PDE7B: variants seen among roughly 807,000 people sequenced by gnomAD.
The protein encoded by PDE7B is phosphodiesterase 7B, also known as 3',5'-cyclic-AMP phosphodiesterase 7B.
Under a neutral mutation model 56.2 loss-of-function variants are expected in PDE7B, and 29 were observed. The observed-to-expected ratio is 0.52, with a 90% CI of 0.38 to 0.70. The LOEUF (loss-of-function observed/expected upper bound fraction) is 0.70, where lower values mean the gene tolerates loss of function less well. PDE7B is among the 30% of genes least tolerant of loss of function. The probability of loss-of-function intolerance (pLI) is 0.00; values close to 1 mark genes in which losing one functional copy is unlikely to be tolerated. For synonymous variants in PDE7B, 197 were observed against 196.9 expected, an observed-to-expected ratio of 1.00 and a Z score of 0.00; for missense variants, 490 against 565.0, an observed-to-expected ratio of 0.87 and a Z score of 1.35.
At chr6:136,081,118 A>G (rs1240052717) in intron 2 of PDE7B, among the ~76,000 whole-genome samples, 1 of 152,194 alleles carries the variant, frequency 6.6e-6, no homozygotes, top group African/African-American at 2.4e-5. Context: ...CCTTTATTTC[A>G]CCCTGAAGGT....
chr6:135,884,445 G>A (rs989313376), intron 1 of PDE7B, among the ~76,000 whole-genome samples: 3 of 151,954 alleles, frequency 2.0e-5, no homozygotes, highest in Non-Finnish European at 2.9e-5. Flanking sequence ...CAGTCTTTCC[G>A]GCAGAATTTT....
At chr6:136,119,021 T>TG (rs1277900796) in intron 3 of PDE7B, among the ~76,000 whole-genome samples, 1 of 152,146 alleles carries the variant, frequency 6.6e-6, no homozygotes, top group Admixed American at 6.6e-5. Flanking sequence ...AAGGGCGTGG[T>TG]GGTGACAACT....
At chr6:135,881,837 AC>A (rs771560442) in intron 1 of PDE7B, among the ~76,000 whole-genome samples, 2 of 152,232 alleles carry the variant, frequency 1.3e-5, no homozygotes, top group Admixed American at 6.5e-5. Context: ...GCATTGTATA[AC>A]TGAAATAACT....
rs144884716 is a variant in PDE7B at position 136,149,590 on chromosome 6, G to T, written c.382+440G>T. On this transcript the variant is annotated intron_variant, in intron 5 of 12. Coordinates refer to ENST00000308191, the MANE Select transcript of PDE7B (RefSeq NM_018945.4). The stretch of plus-strand genomic sequence containing the variant: ...TTGCGGGTATTGCTCAAATGTGTTT[G>T]ACATCATCAGAAGAAAACAATTGCC... 4.4e-3 allele frequency among the ~76,000 whole-genome samples: 673 copies of T among 152,280 alleles called. 3 individuals carry two copies. Among genetic ancestry groups the T allele is most frequent in the Non-Finnish European group, 7.5e-3 (507 of 68,032 alleles).
intron 1 of PDE7B, among the ~76,000 whole-genome samples, chr6:135,912,070 A>G (rs189392896): frequency 1.1e-3 from 171 of 152,336 alleles, no homozygotes; most frequent in Admixed American, 3.3e-3. Flanking sequence ...AAAAGTGCTT[A>G]TATTTGTCCA....
At chr6:135,935,092 T>C (rs1412636842) in intron 1 of PDE7B, among the ~76,000 whole-genome samples, 8 of 86,890 alleles carry the variant, frequency 9.2e-5, no homozygotes, top group African/African-American at 4.1e-4. Flanking sequence ...AAATATATAA[T>C]ATATATTTCT....
chr6:136,191,037 TACTTATATGTC>T (rs1779215532), intron 12 of PDE7B, among the ~76,000 whole-genome samples: 1 of 143,168 alleles, frequency 7.0e-6, no homozygotes. Flanking sequence ...TTTTTTTTTT[TACTTATATGTC>T]TTTCTCCCTC....
chr6:135,885,030 A>G (rs1325360961), intron 1 of PDE7B, among the ~76,000 whole-genome samples: 4 of 152,136 alleles, frequency 2.6e-5, no homozygotes, highest in Non-Finnish European at 4.4e-5. Context: ...CCATGCCGTC[A>G]CTTAACTTGT....
At chr6:135,894,733 A>G (rs1193109994) in intron 1 of PDE7B, among the ~76,000 whole-genome samples, 1 of 152,174 alleles carries the variant, frequency 6.6e-6, no homozygotes, top group Admixed American at 6.6e-5. Flanking sequence ...AATGTACAGT[A>G]CATCTTGAAC....
intron 2 of PDE7B, among the ~76,000 whole-genome samples, chr6:136,068,029 C>T (rs948379130): frequency 6.6e-6 from 1 of 152,132 alleles, no homozygotes; most frequent in African/African-American, 2.4e-5. Context: ...GTTTTAATCC[C>T]CCAAACAGTT....
At chr6:135,870,846 G>A (rs1454813917) in intron 1 of PDE7B, among the ~76,000 whole-genome samples, 1 of 152,070 alleles carries the variant, frequency 6.6e-6, no homozygotes, top group Non-Finnish European at 1.5e-5. Context: ...AAGAGGAAGA[G>A]GGTGGAGAAT....
chr6:135,963,942 G>A (rs368657693), intron 2 of PDE7B, among the ~76,000 whole-genome samples: 4 of 152,148 alleles, frequency 2.6e-5, no homozygotes, highest in Middle Eastern at 3.2e-3. Flanking sequence ...GGCCCTGAAA[G>A]GTTGTTCAGG....
At chr6:136,122,116 C>T (rs996376463) in intron 3 of PDE7B, among the ~76,000 whole-genome samples, 27 of 152,112 alleles carry the variant, frequency 1.8e-4, no homozygotes, top group Non-Finnish European at 2.9e-5. Flanking sequence ...CTGCCTCAGC[C>T]TCCTGAGTAG....
chr6:135,984,895 C>CTGCCCAGCT (rs1775351177), intron 2 of PDE7B, among the ~76,000 whole-genome samples: 1 of 152,000 alleles, frequency 6.6e-6, no homozygotes, highest in South Asian at 2.1e-4. Context: ...CTGATCCCAC[C>CTGCCCAGCT]TGCCCAGCTC....
intron 2 of PDE7B, among the ~76,000 whole-genome samples, chr6:136,068,087 A>G (rs568045749): frequency 1.3e-5 from 2 of 152,316 alleles, no homozygotes; most frequent in South Asian, 4.1e-4. Flanking sequence ...TCTGTAAAAT[A>G]TTTGAAGAGA....
At chr6:135,895,092 A>T (rs894235825) in intron 1 of PDE7B, among the ~76,000 whole-genome samples, 2 of 152,094 alleles carry the variant, frequency 1.3e-5, no homozygotes, top group African/African-American at 4.8e-5. Context: ...AAGGCAGGCA[A>T]ATCCTGTTTG....
intron 2 of PDE7B, among the ~76,000 whole-genome samples, chr6:135,992,636 G>T (rs540932833): frequency 2.6e-5 from 4 of 152,148 alleles, no homozygotes; most frequent in African/African-American, 9.6e-5. Flanking sequence ...ATTGTTCCCT[G>T]TAGCTAGAGT....
intron 2 of PDE7B, chr6:136,049,240 C>G (rs990320683): frequency 6.6e-6 from 1 of 152,338 alleles, no homozygotes; most frequent in Non-Finnish European, 1.5e-5. Flanking sequence ...GTAGCTGGGA[C>G]TATGGATGCA....
At chr6:136,087,337 A>C (rs1328469521) in intron 2 of PDE7B, among the ~76,000 whole-genome samples, 1 of 152,200 alleles carries the variant, frequency 6.6e-6, no homozygotes, top group Non-Finnish European at 1.5e-5. Flanking sequence ...ATAGTACCTC[A>C]AAATACCTGC....
Sources: gnomAD v4.1 joint callset for allele counts (sites outside exome capture counted in the v4.1 genomes callset) on GRCh38, gnomAD v4.1.1 for gene constraint, MANE v1.5 for transcripts, NCBI Gene and HGNC (gene_info 2026-07-23, HGNC 2026-07-21) for gene names.